The following CSAD variants were observed in gnomAD, a reference collection of about 807,000 sequenced individuals.
CSAD encodes the protein cysteine sulfinic acid decarboxylase, also known as P-selectin cytoplasmic tail-associated protein.
CSAD carries 47 observed loss-of-function variants against 61.5 expected under a neutral mutation model. The ratio of observed to expected loss-of-function variants is 0.76; its 90% confidence interval spans 0.60 to 0.97. The LOEUF is 0.97. Ranked by LOEUF, CSAD falls within the 50% of genes least tolerant of loss-of-function variation. The pLI is 0.00. For missense variants in CSAD, 611 were observed against 643.6 expected, an observed-to-expected ratio of 0.95 and a Z score of 0.55; for synonymous variants, 245 against 252.7, an observed-to-expected ratio of 0.97 and a Z score of 0.29.
At chr12:53,180,593 A>G in intron 1 of CSAD, 139 bp downstream of exon 1, 4 of 1,284,976 alleles carry the variant, frequency 3.1e-6, no homozygotes, top group Non-Finnish European at 4.1e-6. Flanking sequence ...GTGCGTCCCC[A>G]AGCTCACCCG....
At position 53,172,595 on chromosome 12, in the gene CSAD, C is replaced by A. The variant is rs1336459083; in HGVS notation, c.180G>T (p.Leu60=). 1.2e-6 allele frequency: 2 copies of A among 1,611,862 alleles called. No homozygotes were observed. Among genetic ancestry groups the A allele is most frequent in the African/African-American group, 2.7e-5 (2 of 74,840 alleles). ...EELKQLLDLE[L]RSQGESQKQI... ...GCTTCTGTGACTCGCCCTGGCTCCGCAGCTCCAAATCCAGCAGCTGCTTCA... is the reference window on the plus strand; with the variant it reads ...GCTTCTGTGACTCGCCCTGGCTCCGAAGCTCCAAATCCAGCAGCTGCTTCA... The change falls in exon 5 of 17, where the codon CTG becomes CTT. Residue 60 remains leucine (L), a synonymous_variant. Coordinates refer to ENST00000444623, the MANE Select transcript of CSAD (RefSeq NM_001244705.2).
upstream of CSAD, chr12:53,180,979 A>T: frequency 1.6e-4 from 25 of 155,546 alleles, no homozygotes; most frequent in East Asian, 3.5e-4. Flanking sequence ...TCTCCGGGGG[A>T]GGGAGGGGAA....
intron 10 of CSAD, among the ~76,000 whole-genome samples, chr12:53,161,837 G>A (rs923386617): frequency 6.6e-6 from 1 of 151,956 alleles, no homozygotes; most frequent in Non-Finnish European, 1.5e-5. Context: ...GGGCATGCCT[G>A]TAGTCCCAGC....
chr12:53,159,622 C>A lies in CSAD; in HGVS notation c.1308+1G>T. 1 of 1,609,244 alleles carries A rather than the reference C, an allele frequency of 6.2e-7. No homozygotes were observed. The highest frequency in any genetic ancestry group is 8.5e-7 in the Non-Finnish European group (1 of 1,177,758). On this transcript the variant is annotated splice_donor_variant, in intron 16 of 16. Transcript: ENST00000444623. LOFTEE classifies it high-confidence loss of function. ...TAAAGAGAGCAGCACAGCACGCCTA[C>A]CTTTGACAGCCTTTCGTGGTAATCT...
chr12:53,171,454 G>GGGGGCGGTGGCAAGAGGAA lies in CSAD; in HGVS notation c.452-32_452-14dup, dbSNP rs1940568236. On this transcript the variant is annotated splice_polypyrimidine_tract_variant and intron_variant, in intron 7 of 16. Coordinates refer to ENST00000444623, the MANE Select transcript of CSAD (RefSeq NM_001244705.2). The stretch of plus-strand genomic sequence containing the variant: ...GAGATGGAGCCACCTGTCACAGGGA[G>GGGGGCGGTGGCAAGAGGAA]GGGGCGGTGGCAAGAGGAAGGAGCA... 1 of 1,612,460 alleles carries GGGGGCGGTGGCAAGAGGAA rather than the reference G, an allele frequency of 6.2e-7. No homozygotes were observed. Among genetic ancestry groups the GGGGGCGGTGGCAAGAGGAA allele is most frequent in the Non-Finnish European group, 8.5e-7 (1 of 1,179,644 alleles).
chr12:53,169,325 C>G (rs1472791795), intron 10 of CSAD, among the ~76,000 whole-genome samples: 1 of 151,412 alleles, frequency 6.6e-6, no homozygotes, highest in African/African-American at 2.4e-5. Context: ...ACTAAAAATA[C>G]AAAATTAGCC....
chr12:53,178,106 T>C (rs1485901654), intron 2 of CSAD, among the ~76,000 whole-genome samples: 3 of 152,180 alleles, frequency 2.0e-5, no homozygotes, highest in Non-Finnish European at 4.4e-5. Flanking sequence ...ATAGGGAACA[T>C]TCACACATGG....
chr12:53,159,611 C>T lies in CSAD; in HGVS notation c.1308+12G>A. On this transcript the variant is annotated intron_variant, in intron 16 of 16. Transcript: ENST00000444623. ...TCCCTAACGGGTAAAGAGAGCAGCA[C>T]AGCACGCCTACCTTTGACAGCCTTT... is the stretch of plus-strand genomic sequence containing the variant. 1 of 1,606,274 alleles carries T rather than the reference C, an allele frequency of 6.2e-7. No individual in the cohort carries two copies. Among genetic ancestry groups the T allele is most frequent in the Non-Finnish European group, 8.5e-7 (1 of 1,176,040 alleles).
At chr12:53,170,612 C>A in intron 8 of CSAD, 110 bp from the exon 9 acceptor site, 1 of 827,734 alleles carries the variant, frequency 1.2e-6, no homozygotes, top group South Asian at 1.4e-5. Flanking sequence ...CAGGGCTTCT[C>A]AAATGTCAGC....
At chr12:53,177,270 C>CTT (rs779250484) in intron 2 of CSAD, among the ~76,000 whole-genome samples, 2 of 152,168 alleles carry the variant, frequency 1.3e-5, no homozygotes, top group Non-Finnish European at 2.9e-5. Flanking sequence ...TAATAGTAAA[C>CTT]ATCCCTGGCT....
chr12:53,177,108 T>A (rs1311552602), intron 2 of CSAD, among the ~76,000 whole-genome samples: 2 of 152,198 alleles, frequency 1.3e-5, no homozygotes, highest in East Asian at 3.8e-4. Flanking sequence ...TATATTTTAT[T>A]TATATAATTT....
chr12:53,159,414 A>T (rs920046981), intron 16 of CSAD, among the ~76,000 whole-genome samples: 3 of 152,144 alleles, frequency 2.0e-5, no homozygotes, highest in Non-Finnish European at 2.9e-5. Flanking sequence ...GACTTCTCTG[A>T]CTTCTCCTGT....
intron 10 of CSAD, chr12:53,164,878 G>C (rs754393523): frequency 1.1e-4 from 16 of 152,106 alleles, no homozygotes; most frequent in Non-Finnish European, 4.4e-5. Flanking sequence ...AATGGGCAAA[G>C]GATCTGACTA....
intron 14 of CSAD, 85 bp from the exon 15 acceptor site, chr12:53,160,023 G>C (rs1269742242): frequency 3.7e-6 from 6 of 1,600,226 alleles, no homozygotes; most frequent in Non-Finnish European, 5.1e-6. Flanking sequence ...GAGCCACAGA[G>C]AGACCGAGAG....
intron 10 of CSAD, among the ~76,000 whole-genome samples, chr12:53,163,425 G>A (rs1033659678): frequency 6.6e-6 from 1 of 152,122 alleles, no homozygotes; most frequent in Admixed American, 6.5e-5. Flanking sequence ...TGGCTTTGCT[G>A]ATGAATTCCA....
chr12:53,161,084 T>C (rs1281995997), intron 12 of CSAD, 43 bp downstream of exon 12: 2 of 1,581,736 alleles, frequency 1.3e-6, no homozygotes, highest in South Asian at 1.1e-5. Context: ...TCTGGACCAA[T>C]GGTTTGAAGG....
At position 53,171,413 on chromosome 12, in the gene CSAD, T is replaced by C. The variant is rs1327031305; in HGVS notation, c.480A>G (p.Val160=). ...GGTAGCGCTGATAGCGGGCCAGATT[T>C]ACAGCATACATGTTGGAGATGGAGC... ...PGGSISNMYA[V]NLARYQRYPD... Residue 160 remains valine (V), a synonymous_variant, in exon 8 of 17, where the codon GTA becomes GTG. Coordinates refer to ENST00000444623, the MANE Select transcript of CSAD (RefSeq NM_001244705.2). 16 of 1,613,898 alleles carry C rather than the reference T, an allele frequency of 9.9e-6. No homozygotes were observed. Among genetic ancestry groups the C allele is most frequent in the Non-Finnish European group, 1.4e-5 (16 of 1,180,006 alleles).
chr12:53,165,955 C>T (rs1020039418), intron 10 of CSAD, among the ~76,000 whole-genome samples: 2 of 152,144 alleles, frequency 1.3e-5, no homozygotes, highest in Admixed American at 6.5e-5. Context: ...TATTATTCAG[C>T]CTTAAAAAGG....
upstream of CSAD, chr12:53,181,338 C>T: frequency 2.0e-6 from 2 of 985,464 alleles, no homozygotes; most frequent in Non-Finnish European, 2.4e-6. Context: ...AGTCTTGCCG[C>T]CTCTGTAAAG....
Sources: allele counts gnomAD v4.1 joint callset (sites outside exome capture counted in the v4.1 genomes callset), GRCh38; gene constraint gnomAD v4.1.1; transcripts MANE v1.5; gene names NCBI Gene and HGNC (gene_info 2026-07-23, HGNC 2026-07-21).